The following ZDHHC15 variants were observed in gnomAD, a reference collection of about 807,000 sequenced individuals.
ZDHHC15 encodes palmitoyltransferase ZDHHC15.
Under a neutral mutation model 31.7 loss-of-function variants are expected in ZDHHC15, and 19 were observed. That is an observed-to-expected ratio of 0.60 (90% CI 0.42 to 0.88). The LOEUF is 0.88. Among genes scored for constraint, ZDHHC15 ranks in the 40% least tolerant of loss-of-function variants. ZDHHC15 has a pLI of 0.00. For missense variants in ZDHHC15, 209 were observed against 251.2 expected (o/e 0.83, Z 1.14); for synonymous variants, 103 against 90.0 (o/e 1.14, Z -0.82).
At chrX:75,375,738 T>C (rs752486404) in intron 11 of ZDHHC15, among the ~76,000 whole-genome samples, 7 of 111,937 alleles carry the variant, frequency 6.3e-5, no homozygotes, top group Non-Finnish European at 1.3e-4. Flanking sequence ...AAGGATAAGA[T>C]TTCATTATTT....
chrX:75,414,689 C>T (rs2083527739), intron 10 of ZDHHC15, among the ~76,000 whole-genome samples: 1 of 104,011 alleles, frequency 9.6e-6, no homozygotes, highest in Non-Finnish European at 2.0e-5. Context: ...CTGCCTGCCT[C>T]GGCCTCCCAA....
At chrX:75,464,227 T>C (rs1265871015) in intron 3 of ZDHHC15, among the ~76,000 whole-genome samples, 3 of 110,540 alleles carry the variant, frequency 2.7e-5, no homozygotes, top group Admixed American at 1.9e-4. Context: ...TAGGTGGGAA[T>C]TGAACAATGA....
chrX:75,487,519 G>T (rs1479676775), intron 2 of ZDHHC15, among the ~76,000 whole-genome samples: 2 of 112,078 alleles, frequency 1.8e-5, no homozygotes, highest in Admixed American at 9.5e-5. Flanking sequence ...TGGGACCAAA[G>T]AATCTGAAGA....
Position 75,420,218 on chromosome X carries a change from C to T in ZDHHC15, c.863+1646G>A, listed in dbSNP as rs1489798171. ...CATATTAAAAAAAGCCCATTATCAC[C>T]GGTCATTAGAGAAATGCAAATCAAA... On this transcript the variant is annotated intron_variant, in intron 9 of 11. Transcript: ENST00000373367. 9.0e-5 allele frequency among the ~76,000 whole-genome samples: 10 copies of T among 111,417 alleles called. No individual in the cohort carries two copies. In the South Asian group the frequency reaches 1.2e-3, roughly 13 times the overall value.
chrX:75,469,358 C>G (rs1195118923), intron 3 of ZDHHC15, among the ~76,000 whole-genome samples: 4 of 111,760 alleles, frequency 3.6e-5, no homozygotes, highest in African/African-American at 1.3e-4. Context: ...ATTCATCTTC[C>G]CAAACTGATA....
At chrX:75,431,619 T>C in intron 4 of ZDHHC15, 99 bp from the exon 5 acceptor site, 1 of 679,312 alleles carries the variant, frequency 1.5e-6, no homozygotes, top group Non-Finnish European at 2.1e-6. Context: ...GCACTGATTA[T>C]AGATAGTCAA....
At chrX:75,485,059 T>A (rs1332160210) in intron 2 of ZDHHC15, among the ~76,000 whole-genome samples, 1 of 110,165 alleles carries the variant, frequency 9.1e-6, no homozygotes, top group Non-Finnish European at 1.9e-5. Flanking sequence ...GGATGAAGAG[T>A]GAGAGGGTTT....
At chrX:75,483,754 T>C (rs1169088821) in intron 2 of ZDHHC15, among the ~76,000 whole-genome samples, 2 of 111,022 alleles carry the variant, frequency 1.8e-5, no homozygotes, top group Non-Finnish European at 3.8e-5. Flanking sequence ...ATATCATTAT[T>C]CTGCATGTAT....
At chrX:75,444,889 C>T (rs893713322) in intron 4 of ZDHHC15, among the ~76,000 whole-genome samples, 38 of 108,369 alleles carry the variant, frequency 3.5e-4, no homozygotes, top group East Asian at 8.7e-4. Context: ...CTGGGACTTA[C>T]GTGATCAGGG....
chrX:75,443,298 C>T (rs1451343807), intron 4 of ZDHHC15, among the ~76,000 whole-genome samples: 2 of 110,322 alleles, frequency 1.8e-5, no homozygotes, highest in Non-Finnish European at 3.8e-5. Flanking sequence ...GAACAGAGCC[C>T]TCAGAAATAA....
chrX:75,485,692 C>T (rs750016437), intron 2 of ZDHHC15, among the ~76,000 whole-genome samples: 76 of 110,755 alleles, frequency 6.9e-4, no homozygotes, highest in Non-Finnish European at 1.2e-3. Flanking sequence ...ATATCAAAAG[C>T]GACTTGTCAA....
chrX:75,421,792 C>G (rs2083646329), intron 9 of ZDHHC15, 72 bp downstream of exon 9: 1 of 1,117,412 alleles, frequency 8.9e-7, no homozygotes, highest in East Asian at 3.1e-5. Context: ...CTGCATACTA[C>G]AATCAAAATT....
chrX:75,474,961 G>C (rs1012402821), intron 3 of ZDHHC15, among the ~76,000 whole-genome samples: 2 of 110,630 alleles, frequency 1.8e-5, no homozygotes, highest in African/African-American at 6.6e-5. Context: ...TCGGGAGGCT[G>C]AGGCAGGAGA....
chrX:75,429,052 G>A lies in ZDHHC15; in HGVS notation c.603+26C>T. On this transcript the variant is annotated intron_variant, in intron 7 of 11. Coordinates refer to ENST00000373367, the MANE Select transcript of ZDHHC15 (RefSeq NM_144969.3). Reference sequence around the variant, plus strand: ...GAGTGGGTGTGCATTTGTTCTAGGGGACCCTTCAGGATATTTTTAACTTAC... The same window carrying A: ...GAGTGGGTGTGCATTTGTTCTAGGGAACCCTTCAGGATATTTTTAACTTAC... 3.3e-6 allele frequency: 4 copies of A among 1,204,500 alleles called. No individual in the cohort carries two copies. The South Asian group carries it at 5.4e-5, about 16-fold the overall frequency.
At chrX:75,453,434 G>T (rs918604793) in intron 3 of ZDHHC15, among the ~76,000 whole-genome samples, 1 of 111,393 alleles carries the variant, frequency 9.0e-6, no homozygotes, top group Non-Finnish European at 1.9e-5. Context: ...GGACCAGATG[G>T]ATTCACAGCC....
chrX:75,407,773 G>A (rs962965895), intron 10 of ZDHHC15, among the ~76,000 whole-genome samples: 2 of 112,903 alleles, frequency 1.8e-5, no homozygotes, highest in Non-Finnish European at 3.8e-5. Context: ...ATAGAAAGGG[G>A]GGAAATGTGG....
chrX:75,499,302 C>T (rs1483739910), intron 2 of ZDHHC15, among the ~76,000 whole-genome samples: 1 of 111,843 alleles, frequency 8.9e-6, no homozygotes, highest in Admixed American at 9.6e-5. Context: ...TAAAAAGCTT[C>T]TGCACAGCAA....
intron 2 of ZDHHC15, among the ~76,000 whole-genome samples, chrX:75,489,341 G>A (rs187212395): frequency 1.1e-3 from 121 of 111,876 alleles, no homozygotes; most frequent in Non-Finnish European, 1.8e-3. Context: ...AGGCACCCCC[G>A]AGTAGGGGCA....
chrX:75,436,894 C>A (rs1356244966), intron 4 of ZDHHC15, among the ~76,000 whole-genome samples: 1 of 111,458 alleles, frequency 9.0e-6, no homozygotes, highest in Non-Finnish European at 1.9e-5. Flanking sequence ...TTTGTTTTGT[C>A]TTTTTGAGAC....
Sources: gnomAD v4.1 joint callset for allele counts (sites outside exome capture counted in the v4.1 genomes callset) on GRCh38, gnomAD v4.1.1 for gene constraint, MANE v1.5 for transcripts, NCBI Gene and HGNC (gene_info 2026-07-23, HGNC 2026-07-21) for gene names.